ZFC3H1: variants seen among roughly 807,000 people sequenced by gnomAD.
ZFC3H1 encodes the protein zinc finger C3H1-type containing.
A neutral mutation model predicts 243.7 loss-of-function variants in ZFC3H1; 71 were observed. The ratio of observed to expected loss-of-function variants is 0.29; its 90% CI spans 0.24 to 0.36. The LOEUF is 0.36. ZFC3H1 is among the 10% of genes least tolerant of loss of function. The probability of loss-of-function intolerance (pLI) is 1.00; values close to 1 mark genes in which losing one functional copy is unlikely to be tolerated. For synonymous variants in ZFC3H1, 838 were observed against 813.0 expected, an observed-to-expected ratio of 1.03 and a Z score of -0.52; for missense variants, 1,966 against 2,317.1, an observed-to-expected ratio of 0.85 and a Z score of 3.11.
intron 23 of ZFC3H1, 130 bp downstream of exon 23, chr12:71,623,972 CTA>C: frequency 1.1e-6 from 1 of 905,816 alleles, no homozygotes; most frequent in Non-Finnish European, 1.6e-6. Flanking sequence ...ACATGACTTA[CTA>C]GTAAGTGGAA....
chr12:71,659,712 C>G (rs1246664960), intron 1 of ZFC3H1, among the ~76,000 whole-genome samples: 2 of 152,210 alleles, frequency 1.3e-5, no homozygotes, highest in African/African-American at 4.8e-5. Context: ...CTATCCCTAT[C>G]TATACAGAAG....
Position 71,644,235 on chromosome 12 carries a change from C to A in ZFC3H1, c.1363G>T (p.Asp455Tyr), listed in dbSNP as rs1464237225. The A allele has an allele frequency of 6.2e-7, 1 of 1,611,676 alleles. No homozygotes were observed. Among genetic ancestry groups the A allele is most frequent in the South Asian group, 1.1e-5 (1 of 90,896 alleles). The change falls in exon 5 of 35, where the codon GAT (aspartate) becomes TAT (tyrosine). Residue 455 changes from aspartate (D) to tyrosine (Y), a missense_variant. This residue lies in a region of ZFC3H1 where 91 missense variants were observed against 107.6 expected (regional missense o/e 0.85). Coordinates refer to ENST00000378743, the MANE Select transcript of ZFC3H1 (RefSeq NM_144982.5). ...TCTTCTTCAGCTTGTTTCCGCTGAT[C>A]CTCTTCTTTCTGTCTTTCCTGCTCT... Reference protein sequence around the residue: ...QKEQERQKEEDQRKQAEEEER... With the variant: ...QKEQERQKEEYQRKQAEEEER...
At position 71,644,995 on chromosome 12, in the gene ZFC3H1, T is replaced by C; in HGVS notation, c.1161A>G (p.Gln387=). ...LALQSASKKW[Q]QKEQQVMKES... is the part of the protein sequence containing the mutation. ...CTTTCATCACCTGCTGTTCTTTTTG[T>C]TGCCATTTTTTACTGGCTGACTGAA... The change falls in exon 4 of 35, where the codon CAA becomes CAG. Residue 387 remains glutamine, a synonymous_variant. Transcript: ENST00000378743. The C allele has an allele frequency of 6.2e-7, 1 of 1,613,870 alleles. No homozygotes were observed. Among genetic ancestry groups the C allele is most frequent in the Non-Finnish European group, 8.5e-7 (1 of 1,180,016 alleles).
At chr12:71,660,122 T>C (rs1881126544) in intron 1 of ZFC3H1, among the ~76,000 whole-genome samples, 1 of 152,212 alleles carries the variant, frequency 6.6e-6, no homozygotes, top group African/African-American at 2.4e-5. Context: ...ACTTCTAAAT[T>C]ACAGAAATAT....
At chr12:71,630,088 C>G (rs1350010937) in intron 18 of ZFC3H1, among the ~76,000 whole-genome samples, 1 of 152,102 alleles carries the variant, frequency 6.6e-6, no homozygotes, top group African/African-American at 2.4e-5. Flanking sequence ...AGGTTTATTA[C>G]TTGGCACCAA....
intron 1 of ZFC3H1, among the ~76,000 whole-genome samples, chr12:71,662,727 TG>T (rs1881217801): frequency 6.6e-6 from 1 of 152,202 alleles, no homozygotes; most frequent in Admixed American, 6.5e-5. Flanking sequence ...CAAATGCTAA[TG>T]AAACTTGGGC....
At chr12:71,647,277 A>T (rs1450761003) in intron 3 of ZFC3H1, among the ~76,000 whole-genome samples, 1 of 152,232 alleles carries the variant, frequency 6.6e-6, no homozygotes, top group Non-Finnish European at 1.5e-5. Context: ...CTGAAACCTC[A>T]CAACAACCCA....
Position 71,663,225 on chromosome 12 carries a change from G to C in ZFC3H1, c.386C>G (p.Pro129Arg), listed in dbSNP as rs768000009. The C allele has an allele frequency of 1.2e-6, 2 of 1,613,996 alleles. No homozygotes were observed. The highest frequency in any genetic ancestry group is 1.3e-5 in the African/African-American group (1 of 75,058). ...MPSSSLSESS[P>R]RPSFWERSHL... ...GCTCCGCTCCCAGAAAGACGGCCGG[G>C]GACTGCTTTCGGACAGTGAGCTCGA... is the stretch of plus-strand genomic sequence containing the variant. The change falls in exon 1 of 35, where the codon CCC (proline) becomes CGC (arginine). Residue 129 changes from proline (P) to arginine (R), a missense_variant. This residue lies in a region of ZFC3H1 where 484 missense variants were observed against 449.7 expected (regional missense o/e 1.08). Coordinates refer to ENST00000378743, the MANE Select transcript of ZFC3H1 (RefSeq NM_144982.5).
chr12:71,662,989 C>G (rs768691041), intron 1 of ZFC3H1, 24 bp downstream of exon 1: 2 of 1,565,788 alleles, frequency 1.3e-6, no homozygotes, highest in Non-Finnish European at 1.7e-6. Context: ...ACACACCCAG[C>G]GCCGACCGCC....
intron 2 of ZFC3H1, among the ~76,000 whole-genome samples, chr12:71,648,758 A>G (rs942395186): frequency 1.3e-5 from 2 of 152,198 alleles, no homozygotes; most frequent in Non-Finnish European, 2.9e-5. Context: ...CTTAGTCTAT[A>G]AATGTGAATT....
intron 2 of ZFC3H1, among the ~76,000 whole-genome samples, chr12:71,653,952 G>C (rs1880953671): frequency 6.6e-6 from 1 of 152,188 alleles, no homozygotes; most frequent in Admixed American, 6.5e-5. Context: ...GGCGGAGGTT[G>C]CAATGAGCCA....
Position 71,611,117 on chromosome 12 carries a change from A to G in ZFC3H1, c.5730-20T>C, listed in dbSNP as rs1411215311. 1.9e-6 allele frequency: 3 copies of G among 1,541,066 alleles called. No homozygotes were observed. Among genetic ancestry groups the G allele is most frequent in the South Asian group, 1.3e-5 (1 of 76,700 alleles). On this transcript the variant is annotated intron_variant, in intron 32 of 34. Coordinates refer to ENST00000378743, the MANE Select transcript of ZFC3H1 (RefSeq NM_144982.5). ...ATGGCTCTAAGAGAAAAAAAAAAAAAAAGAAATATAGAAAAAGGAAAAGAA... is the reference window on the plus strand; with the variant it reads ...ATGGCTCTAAGAGAAAAAAAAAAAAGAAGAAATATAGAAAAAGGAAAAGAA...
At position 71,663,585 on chromosome 12, in the gene ZFC3H1, G is replaced by A. The variant is rs762823147; in HGVS notation, c.26C>T (p.Pro9Leu). MATADTPA[P>L]ASSGLSPKEE... ...CTTCGGCGAGAGGCCACTGGAGGCC[G>A]GGGCCGGAGTATCTGCGGTCGCCAT... The change falls in exon 1 of 35, where the codon CCG becomes CTG. Residue 9 changes from proline (P) to leucine (L), a missense_variant. By Grantham distance (98) the Pro-to-Leu change is moderately conservative. Coordinates refer to ENST00000378743, the MANE Select transcript of ZFC3H1 (RefSeq NM_144982.5). 28 of 1,611,234 alleles carry A rather than the reference G, an allele frequency of 1.7e-5. No individual in the cohort carries two copies. In the South Asian group the frequency reaches 3.1e-4, roughly 18 times the overall value.
intron 6 of ZFC3H1, among the ~76,000 whole-genome samples, chr12:71,641,585 T>C (rs1421866424): frequency 6.6e-6 from 1 of 152,182 alleles, no homozygotes; most frequent in Non-Finnish European, 1.5e-5. Flanking sequence ...AAATCAAGTC[T>C]CTGGCCCTCA....
intron 3 of ZFC3H1, among the ~76,000 whole-genome samples, chr12:71,645,939 G>A (rs545348784): frequency 6.6e-6 from 1 of 152,264 alleles, no homozygotes; most frequent in South Asian, 2.1e-4. Flanking sequence ...CACCCCTGAA[G>A]TTAAACACAA....
intron 24 of ZFC3H1, among the ~76,000 whole-genome samples, chr12:71,622,765 C>T (rs1397803347): frequency 6.6e-6 from 1 of 152,188 alleles, no homozygotes; most frequent in South Asian, 2.1e-4. Flanking sequence ...CGGCCCTAGT[C>T]TCTTTTACGT....
chr12:71,634,599 T>C (rs1007727785), intron 11 of ZFC3H1, 105 bp downstream of exon 11: 3 of 1,299,948 alleles, frequency 2.3e-6, no homozygotes, highest in Non-Finnish European at 3.1e-6. Context: ...CTCTGTATCT[T>C]GGATAAAACT....
At chr12:71,652,013 A>G (rs558583690) in intron 2 of ZFC3H1, among the ~76,000 whole-genome samples, 12 of 152,200 alleles carry the variant, frequency 7.9e-5, no homozygotes, top group Non-Finnish European at 1.3e-4. Flanking sequence ...GAGTGTGATC[A>G]CCTCCAATAA....
Position 71,644,251 on chromosome 12 carries a change from T to C in ZFC3H1, c.1347A>G (p.Glu449=). The change falls in exon 5 of 35, where the codon GAA becomes GAG. Residue 449 remains glutamate, a synonymous_variant. Coordinates refer to ENST00000378743, the MANE Select transcript of ZFC3H1 (RefSeq NM_144982.5). ...TCCGCTGATCCTCTTCTTTCTGTCT[T>C]TCCTGCTCTTTTTGTTGTTGTAGTT... ...WKKLQQQKEQ[E]RQKEEDQRKQ... The C allele has an allele frequency of 6.2e-7, 1 of 1,613,052 alleles. No individual in the cohort carries two copies.
Sources: allele counts gnomAD v4.1 joint callset (sites outside exome capture counted in the v4.1 genomes callset), GRCh38; gene constraint gnomAD v4.1.1; regional missense constraint gnomAD v4.1.1; transcripts MANE v1.5; gene names NCBI Gene and HGNC (gene_info 2026-07-23, HGNC 2026-07-21).